DCST1: variants seen among roughly 807,000 people sequenced by gnomAD.
The protein encoded by DCST1 is DC-STAMP domain containing 1.
DCST1 carries 78 observed loss-of-function variants against 89.1 expected under a neutral mutation model. That is an observed-to-expected ratio of 0.88 (90% CI 0.73 to 1.06). DCST1 has a LOEUF of 1.06. Among genes scored for constraint, DCST1 ranks in the 50% least tolerant of loss-of-function variants. The pLI, the probability that DCST1 is intolerant of heterozygous loss-of-function variation, is 0.00. For missense variants in DCST1, 900 were observed against 928.6 expected, an observed-to-expected ratio of 0.97 and a Z score of 0.40; for synonymous variants, 364 against 371.9, an observed-to-expected ratio of 0.98 and a Z score of 0.24.
At position 155,047,847 on chromosome 1, in the gene DCST1, T is replaced by C. The variant is rs144291978; in HGVS notation, c.1673T>C (p.Ile558Thr). 74 of 1,614,034 alleles carry C rather than the reference T, an allele frequency of 4.6e-5. No homozygotes were observed. Among genetic ancestry groups the C allele is most frequent in the Admixed American group, 1.7e-4 (10 of 60,002 alleles). ...ARAYWRAAVP[I>T]GLLVCLCLLQ... ...GCCTACTGGAGAGCTGCAGTACCGA[T>C]TGGCCTGTTAGTGTGTCTCTGCCTG... Residue 558 changes from isoleucine to threonine, a missense_variant, in exon 15 of 17, where the codon ATT becomes ACT. Ile to Thr is a moderately conservative substitution (Grantham distance 89). Coordinates refer to ENST00000295542, the MANE Select transcript of DCST1 (RefSeq NM_152494.4).
Position 155,039,611 on chromosome 1 carries a change from G to A in DCST1, c.391+80G>A, listed in dbSNP as rs1018631554. 2.8e-5 allele frequency: 40 copies of A among 1,450,286 alleles called. 2 individuals carry two copies. In the African/African-American group the frequency reaches 3.9e-4, roughly 14 times the overall value. The allele number at this position is 1,450,286 out of a possible 1,614,324, so 89.8% of individuals were successfully genotyped here. On this transcript the variant is annotated intron_variant, in intron 5 of 16. Coordinates refer to ENST00000295542, the MANE Select transcript of DCST1 (RefSeq NM_152494.4). ...TCCAATGGGAGCCAGGCCGGGTGAA[G>A]GAGAAAAGACAGGAGTGTCATCCCA...
At chr1:155,036,831 C>A (rs1012561162) in intron 4 of DCST1, among the ~76,000 whole-genome samples, 1 of 152,370 alleles carries the variant, frequency 6.6e-6, no homozygotes. Flanking sequence ...GTGAAGCCCC[C>A]CTTCAGGGGC....
chr1:155,045,480 TGA>T (rs1271307734), intron 10 of DCST1: 1 of 216,582 alleles, frequency 4.6e-6, no homozygotes, highest in Non-Finnish European at 9.4e-6. Context: ...CAGGAATTTG[TGA>T]GTCACAGTGG....
intron 4 of DCST1, among the ~76,000 whole-genome samples, chr1:155,038,060 CTG>C (rs1287905853): frequency 6.6e-6 from 1 of 152,218 alleles, no homozygotes; most frequent in East Asian, 1.9e-4. Context: ...ACAAAAAAAA[CTG>C]TGGGGTGGCA....
Position 155,042,803 on chromosome 1 carries a change from A to G in DCST1, c.961A>G (p.Asn321Asp). 6.2e-7 allele frequency: 1 copy of G among 1,614,208 alleles called. No individual in the cohort carries two copies. Among genetic ancestry groups the G allele is most frequent in the East Asian group, 2.2e-5 (1 of 44,880 alleles). ...GNFGQTYDSL[N>D]QSIRGLDGEF... is the part of the protein sequence containing the mutation. ...CTTTGGGCAGACCTACGACTCCCTC[A>G]ACCAGTCTATTCGTGGCCTGGATGG... The change falls in exon 9 of 17, where the codon AAC (asparagine) becomes GAC (aspartate). Residue 321 changes from asparagine (N) to aspartate (D), a missense_variant. By Grantham distance (23) the Asn-to-Asp change is conservative (BLOSUM62 1). Coordinates refer to ENST00000295542, the MANE Select transcript of DCST1 (RefSeq NM_152494.4).
rs1660479021 is a variant in DCST1, at chr1:155,042,855, A to G, written c.1013A>G (p.Lys338Arg). ...DGEFSANIDF[K>R]EEKQAGVLGL... The stretch of plus-strand genomic sequence containing the variant: ...GAATTTTCAGCCAATATTGACTTCA[A>G]GGTAGAAGGCAAGGGCGAGGGTTGG... Residue 338 changes from lysine (K) to arginine (R), a missense_variant and splice_region_variant, in exon 9 of 17, where the codon AAG (lysine) becomes AGG (arginine). Physicochemically the swap from Lys to Arg is conservative, Grantham distance 26. Coordinates refer to ENST00000295542, the MANE Select transcript of DCST1 (RefSeq NM_152494.4). The G allele has an allele frequency of 6.2e-7, 1 of 1,613,996 alleles. No homozygotes were observed.
intron 5 of DCST1, 37 bp from the exon 6 acceptor site, chr1:155,040,448 A>T: frequency 6.3e-7 from 1 of 1,579,032 alleles, no homozygotes; most frequent in Non-Finnish European, 8.6e-7. Context: ...AGTGCTGGTT[A>T]TACAGGGAGG....
Position 155,050,801 on chromosome 1 carries a change from C to A in DCST1, c.2054C>A (p.Thr685Lys), listed in dbSNP as rs751817015. 6.2e-7 allele frequency: 1 copy of A among 1,611,996 alleles called. No individual in the cohort carries two copies. The highest frequency in any genetic ancestry group is 8.5e-7 in the Non-Finnish European group (1 of 1,179,262). ...DDMRQRCPVC[T>K]PREELSSSAF... The stretch of plus-strand genomic sequence containing the variant: ...ATGCGGCAGCGGTGCCCGGTCTGCA[C>A]GCCCCGCGAAGAGCTCTCTTCCTCC... The change falls in exon 17 of 17, where the codon ACG becomes AAG. Residue 685 changes from threonine (T) to lysine (K), a missense_variant. Thr to Lys is a moderately conservative substitution (Grantham distance 78). Transcript: ENST00000295542.
rs761749636 is a variant in DCST1 at position 155,050,678 on chromosome 1, G to T, written c.1931G>T (p.Arg644Leu). Reference sequence around the variant, plus strand: ...CCGCTCCTGCGCCGCTGGCTGTGCCGGCGCTGCGTGGTGTGCCAGGCACCC... The same window carrying T: ...CCGCTCCTGCGCCGCTGGCTGTGCCTGCGCTGCGTGGTGTGCCAGGCACCC... ...GCPLLRRWLC[R>L]RCVVCQAPET... The change falls in exon 17 of 17, where the codon CGG (arginine) becomes CTG (leucine). Residue 644 changes from arginine (R) to leucine (L), a missense_variant. Physicochemically the swap from Arg to Leu is moderately radical, Grantham distance 102. Coordinates refer to ENST00000295542, the MANE Select transcript of DCST1 (RefSeq NM_152494.4). 2.5e-6 allele frequency: 4 copies of T among 1,602,238 alleles called. No individual in the cohort carries two copies. Among genetic ancestry groups the T allele is most frequent in the Non-Finnish European group, 3.4e-6 (4 of 1,176,188 alleles).
intron 5 of DCST1, 114 bp from the exon 6 acceptor site, chr1:155,040,371 G>A: frequency 8.7e-7 from 1 of 1,149,422 alleles, no homozygotes; most frequent in Non-Finnish European, 1.2e-6. Context: ...TAGGCTCTCG[G>A]CCCCACCACT....
intron 1 of DCST1, 44 bp downstream of exon 1, chr1:155,033,898 TA>T: frequency 1.5e-6 from 2 of 1,312,334 alleles, no homozygotes; most frequent in Non-Finnish European, 2.1e-6. Context: ...GCAGAAGGAT[TA>T]AAAGGCCCAG....
chr1:155,050,137 T>C (rs976873413), intron 16 of DCST1, among the ~76,000 whole-genome samples: 2 of 152,234 alleles, frequency 1.3e-5, no homozygotes, highest in African/African-American at 4.8e-5. Context: ...GGAAAATCCC[T>C]GACAACTGTG....
intron 9 of DCST1, 31 bp downstream of exon 9, chr1:155,042,887 GT>G: frequency 6.2e-7 from 1 of 1,612,580 alleles, no homozygotes; most frequent in Non-Finnish European, 8.5e-7. Flanking sequence ...TTGGTGGGGG[GT>G]AGATAGGGAG....
rs142128744 is a variant in DCST1 at position 155,034,778 on chromosome 1, C to T, written c.262+51C>T. On this transcript the variant is annotated intron_variant, in intron 4 of 16. Transcript: ENST00000295542. ...CACTCAAGCGGCCTGTGGAACACAG[C>T]GCCGTCCTGCATGCCCAGGAAGGAG... 8.3e-4 allele frequency: 1,317 copies of T among 1,594,168 alleles called. 12 individuals are homozygous for T. The African/African-American group carries it at 0.016, about 20-fold the overall frequency.
chr1:155,046,090 TG>T, intron 11 of DCST1, 34 bp from the exon 12 acceptor site: 1 of 1,614,116 alleles, frequency 6.2e-7, no homozygotes, highest in South Asian at 1.1e-5. Context: ...AGAGGGCCCT[TG>T]GGCTTCCTAA....
At chr1:155,036,697 G>A (rs574960213) in intron 4 of DCST1, among the ~76,000 whole-genome samples, 1 of 152,270 alleles carries the variant, frequency 6.6e-6, no homozygotes, top group South Asian at 2.1e-4. Flanking sequence ...GGATGCCTGC[G>A]TGTAGCAGGC....
At chr1:155,043,560 C>T in intron 10 of DCST1, 51 bp downstream of exon 10, 1 of 1,517,800 alleles carries the variant, frequency 6.6e-7, no homozygotes, top group East Asian at 2.3e-5. Context: ...CGGACTGGAG[C>T]CCTGCCCTGA....
At position 155,047,185 on chromosome 1, in the gene DCST1, C is replaced by T. The variant is rs751639221; in HGVS notation, c.1496-11C>T. On this transcript the variant is annotated splice_polypyrimidine_tract_variant and intron_variant, in intron 13 of 16. Coordinates refer to ENST00000295542, the MANE Select transcript of DCST1 (RefSeq NM_152494.4). ...CTGCCCTGACTTCCCTACCTGTCCT[C>T]CTGGCCGCAGGCAGTCATAAACTGG... The T allele has an allele frequency of 9.3e-6, 15 of 1,611,974 alleles. No individual in the cohort carries two copies. Among genetic ancestry groups the T allele is most frequent in the Non-Finnish European group, 1.3e-5 (15 of 1,178,146 alleles).
At chr1:155,035,414 G>A (rs1394458740) in intron 4 of DCST1, among the ~76,000 whole-genome samples, 2 of 152,020 alleles carry the variant, frequency 1.3e-5, no homozygotes, top group African/African-American at 2.4e-5. Context: ...TACCTGCCTC[G>A]GCCTCCCAAA....
Sources: allele counts gnomAD v4.1 joint callset (sites outside exome capture counted in the v4.1 genomes callset), GRCh38; gene constraint gnomAD v4.1.1; transcripts MANE v1.5; gene names NCBI Gene and HGNC (gene_info 2026-07-23, HGNC 2026-07-21).